DIS3L2: variants seen among roughly 807,000 people sequenced by gnomAD.
The protein encoded by DIS3L2 is DIS3-like exonuclease 2.
DIS3L2 carries 34 observed loss-of-function variants against 97.5 expected under a neutral mutation model. The ratio of observed to expected loss-of-function variants is 0.35; its 90% CI spans 0.27 to 0.46. The LOEUF (loss-of-function observed/expected upper bound fraction) is 0.46, where lower values mean the gene tolerates loss of function less well. DIS3L2 is among the 20% of genes least tolerant of loss of function. DIS3L2 has a pLI of 1.00. For synonymous variants in DIS3L2, 435 were observed against 445.2 expected (o/e 0.98, Z 0.29); for missense variants, 1,038 against 1,146.0 (o/e 0.91, Z 1.36).
intron 13 of DIS3L2, among the ~76,000 whole-genome samples, chr2:232,273,240 T>C (rs192205048): frequency 1.3e-5 from 2 of 152,294 alleles, no homozygotes; most frequent in East Asian, 3.9e-4. Context: ...TCACATTGTC[T>C]TGCCATTTTC....
At chr2:232,323,104 G>A (rs1342206559) in intron 14 of DIS3L2, among the ~76,000 whole-genome samples, 1 of 152,208 alleles carries the variant, frequency 6.6e-6, no homozygotes, top group Non-Finnish European at 1.5e-5. Context: ...GGTTGGGCAG[G>A]GGCTGGCACT....
At chr2:232,028,050 T>C (rs1451717767) in intron 4 of DIS3L2, among the ~76,000 whole-genome samples, 2 of 152,074 alleles carry the variant, frequency 1.3e-5, no homozygotes, top group Non-Finnish European at 2.9e-5. Context: ...CTTTGTACAG[T>C]GGTGGAATTT....
At chr2:232,329,789 T>TGGGGGCC in intron 14 of DIS3L2, 24 bp from the exon 15 acceptor site, 1 of 368,622 alleles carries the variant, frequency 2.7e-6, no homozygotes. Flanking sequence ...CAGCGGTCCC[T>TGGGGGCC]CCCATCCCAC....
chr2:232,342,248 TACACATAC>T (rs58884114), intron 13 of DIS3L2, among the ~76,000 whole-genome samples: 15,023 of 150,864 alleles, frequency 0.1, 990 homozygotes, highest in African/African-American at 0.19. Flanking sequence ...TACACATATA[TACACATAC>T]ACACATACAC....
chr2:232,112,458 A>C (rs1697567076), intron 6 of DIS3L2, among the ~76,000 whole-genome samples: 1 of 152,176 alleles, frequency 6.6e-6, no homozygotes, highest in African/African-American at 2.4e-5. Context: ...CCTTAAGAGG[A>C]GAGACCATAA....
downstream of DIS3L2, among the ~76,000 whole-genome samples, chr2:232,341,227 T>G (rs1696094379): frequency 6.6e-6 from 1 of 152,148 alleles, no homozygotes; most frequent in African/African-American, 2.4e-5. Context: ...TCCTTCAAGC[T>G]GCGGTGGGGC....
At chr2:232,313,688 C>T (rs1425381550) in intron 14 of DIS3L2, among the ~76,000 whole-genome samples, 6 of 152,188 alleles carry the variant, frequency 3.9e-5, no homozygotes, top group Non-Finnish European at 7.3e-5. Flanking sequence ...CTTTATATCC[C>T]TGTGTTTTAG....
At chr2:232,324,548 T>A (rs1205733306) in intron 14 of DIS3L2, among the ~76,000 whole-genome samples, 5 of 152,100 alleles carry the variant, frequency 3.3e-5, no homozygotes, top group Non-Finnish European at 5.9e-5. Context: ...TCTCTGAGTG[T>A]CCTGTGTGAG....
chr2:232,328,079 C>T (rs562038376), intron 14 of DIS3L2, among the ~76,000 whole-genome samples: 1 of 152,312 alleles, frequency 6.6e-6, no homozygotes, highest in African/African-American at 2.4e-5. Context: ...GTGGTGGGCA[C>T]AAGCACAGAT....
At chr2:232,338,103 A>T (rs1015367451), downstream of DIS3L2, among the ~76,000 whole-genome samples, 33 of 152,040 alleles carry the variant, frequency 2.2e-4, no homozygotes, top group African/African-American at 7.5e-4. Flanking sequence ...GTGCTGCCCC[A>T]GCCCAGGCAG....
intron 14 of DIS3L2, among the ~76,000 whole-genome samples, chr2:232,322,862 C>T (rs1204939109): frequency 6.6e-6 from 1 of 152,200 alleles, no homozygotes; most frequent in Non-Finnish European, 1.5e-5. Flanking sequence ...AAGTCGATGC[C>T]TTCTTAAGTC....
intron 6 of DIS3L2, among the ~76,000 whole-genome samples, chr2:232,094,320 A>G (rs1185865559): frequency 6.6e-6 from 1 of 152,132 alleles, no homozygotes; most frequent in African/African-American, 2.4e-5. Context: ...TTCTGTAAAT[A>G]TTTATTAGGG....
intron 1 of DIS3L2, among the ~76,000 whole-genome samples, chr2:232,003,584 T>C (rs2106206867): frequency 1.3e-5 from 2 of 152,356 alleles, no homozygotes; most frequent in South Asian, 4.1e-4. Context: ...TCTGGTATCA[T>C]TTCCCTTTAG....
intron 10 of DIS3L2, among the ~76,000 whole-genome samples, chr2:232,220,312 A>C (rs1001010565): frequency 1.3e-5 from 2 of 150,900 alleles, no homozygotes; most frequent in African/African-American, 2.4e-5. Flanking sequence ...GTCTCTAACA[A>C]CACCAAGTAT....
chr2:232,230,251 C>T (rs72994286), intron 10 of DIS3L2, among the ~76,000 whole-genome samples: 1,816 of 152,292 alleles, frequency 0.012, 17 homozygotes, highest in Non-Finnish European at 0.018. Context: ...ATTGTGTGGC[C>T]ACAAGGTGAT....
intron 13 of DIS3L2, among the ~76,000 whole-genome samples, chr2:232,273,268 C>T (rs914649241): frequency 6.6e-6 from 1 of 152,146 alleles, no homozygotes; most frequent in Non-Finnish European, 1.5e-5. Flanking sequence ...TTCCCTGTCT[C>T]CTTTTCTAAG....
At position 232,293,932 on chromosome 2, in the gene DIS3L2, G is replaced by A. The variant is rs2106315046; in HGVS notation, c.1660-6108G>A. On this transcript the variant is annotated intron_variant, in intron 13 of 20. Coordinates refer to ENST00000325385, the MANE Select transcript of DIS3L2 (RefSeq NM_152383.5). This position sits in a 1 kb window ranked among gnomAD's most constrained non-coding sequence, Gnocchi z 4.6. ...ACATTGTGTGTCAGTGTCCTTAGGAGAAGCATGAGCACAAATTACACAAGG... is the reference window on the plus strand; with the variant it reads ...ACATTGTGTGTCAGTGTCCTTAGGAAAAGCATGAGCACAAATTACACAAGG... Among the ~76,000 whole-genome samples the A allele has an allele frequency of 6.6e-6, 1 of 152,324 alleles. No homozygotes were observed. The highest frequency in any genetic ancestry group is 1.9e-4 in the East Asian group (1 of 5,184).
chr2:232,316,771 ATTG>A (rs1229127569), intron 14 of DIS3L2, among the ~76,000 whole-genome samples: 2 of 152,180 alleles, frequency 1.3e-5, no homozygotes, highest in Non-Finnish European at 2.9e-5. Context: ...TTATTATTGA[ATTG>A]TTCTTCTTTA....
intron 9 of DIS3L2, among the ~76,000 whole-genome samples, chr2:232,210,001 A>G (rs1287307052): frequency 6.6e-6 from 1 of 152,220 alleles, no homozygotes; most frequent in Admixed American, 6.5e-5. Context: ...GTAATTTACC[A>G]AAGTAACTTG....
Sources: allele counts gnomAD v4.1 joint callset (sites outside exome capture counted in the v4.1 genomes callset), GRCh38; gene constraint gnomAD v4.1.1; non-coding constraint Gnocchi (gnomAD v3.1); transcripts MANE v1.5; gene names NCBI Gene and HGNC (gene_info 2026-07-23, HGNC 2026-07-21).